Variants in DOK7 observed in about 807,000 individuals in gnomAD.
The protein encoded by DOK7 is docking protein 7.
A neutral mutation model predicts 30.7 loss-of-function variants in DOK7; 32 were observed. That is an observed-to-expected ratio of 1.04 (90% confidence interval 0.79 to 1.40). The LOEUF (loss-of-function observed/expected upper bound fraction) is 1.40, where lower values mean the gene tolerates loss of function less well. DOK7 is among the 40% of genes most tolerant of loss of function. The pLI is 0.00. For synonymous variants in DOK7, 447 were observed against 324.1 expected (o/e 1.38, Z -4.07); for missense variants, 1,007 against 699.2 (o/e 1.44, Z -4.97).
chr4:3,496,152 G>A (rs1018033467), downstream of DOK7, among the ~76,000 whole-genome samples: 10 of 152,350 alleles, frequency 6.6e-5, no homozygotes, highest in African/African-American at 1.7e-4. Context: ...CTGCTCAGCC[G>A]TGGGCCGCTG....
intron 4 of DOK7, among the ~76,000 whole-genome samples, chr4:3,479,673 C>T (rs1174242011): frequency 6.6e-6 from 1 of 152,222 alleles, no homozygotes. Context: ...CCTCACTCAT[C>T]CTGAGACACT....
intron 4 of DOK7, among the ~76,000 whole-genome samples, chr4:3,483,752 G>T (rs1727581918): frequency 6.6e-6 from 1 of 152,220 alleles, no homozygotes; most frequent in African/African-American, 2.4e-5. Context: ...CTGGGGCTGT[G>T]CCGGCTGAGC....
chr4:3,492,608 A>T lies in DOK7; in HGVS notation c.773-151A>T, dbSNP rs575767177. ...TAGAGGGGTTGTTGTTGGTGAAGCC[A>T]GGTTTCTGCTGTAGGCCCCGGGGCT... On this transcript the variant is annotated intron_variant, in intron 6 of 6. Transcript: ENST00000340083. 5.0e-5 allele frequency: 50 copies of T among 1,009,002 alleles called. No individual in the cohort carries two copies. In the East Asian group the frequency reaches 1.2e-3, roughly 24 times the overall value. The allele number at this position is 1,009,002 out of a possible 1,614,324, so 62.5% of individuals were successfully genotyped here.
At chr4:3,468,249 A>C (rs62275881) in intron 2 of DOK7, among the ~76,000 whole-genome samples, 46,414 of 147,866 alleles carry the variant, frequency 0.31, 7,516 homozygotes, top group African/African-American at 0.43. Context: ...TATGTGTGCA[A>C]GTGTGTGTCC....
At chr4:3,496,271 G>A (rs1261826370), downstream of DOK7, among the ~76,000 whole-genome samples, 1 of 152,168 alleles carries the variant, frequency 6.6e-6, no homozygotes, top group African/African-American at 2.4e-5. Flanking sequence ...CGCCTGCAGT[G>A]TCAGGGAACT....
intron 6 of DOK7, among the ~76,000 whole-genome samples, chr4:3,499,807 T>G (rs1729102683): frequency 7.0e-6 from 1 of 142,066 alleles, no homozygotes; most frequent in Non-Finnish European, 1.5e-5. Flanking sequence ...GAGGGGGAGG[T>G]GCTGGGGGCC....
Position 3,492,879 on chromosome 4 carries a change from G to A in DOK7, c.893G>A (p.Gly298Glu), listed in dbSNP as rs1553850025. 8.1e-6 allele frequency: 13 copies of A among 1,602,574 alleles called. No homozygotes were observed. The highest frequency in any genetic ancestry group is 1.7e-5 in the Admixed American group (1 of 58,984). The change falls in exon 7 of 7, where the codon GGG becomes GAG. Residue 298 changes from glycine (G) to glutamate (E), a missense_variant. By Grantham distance (98) the Gly-to-Glu change is moderately conservative (BLOSUM62 -2). Transcript: ENST00000340083. Reference sequence around the variant, plus strand: ...TCGTCAGCCAGCACGTCACAGGAGGGGCCTAGACCAGCAGCTGCCCAGGCC... The same window carrying A: ...TCGTCAGCCAGCACGTCACAGGAGGAGCCTAGACCAGCAGCTGCCCAGGCC... ...SSSSASTSQEGPRPAAAQAAG... is the reference protein window; with the variant it reads ...SSSSASTSQEEPRPAAAQAAG...
At chr4:3,497,539 G>C (rs935115886), downstream of DOK7, among the ~76,000 whole-genome samples, 1 of 152,150 alleles carries the variant, frequency 6.6e-6, no homozygotes, top group African/African-American at 2.4e-5. Flanking sequence ...AGGACGGCTG[G>C]CCTGGGGTAG....
At chr4:3,469,861 G>A (rs1461140568) in intron 2 of DOK7, among the ~76,000 whole-genome samples, 1 of 152,212 alleles carries the variant, frequency 6.6e-6, no homozygotes, top group Non-Finnish European at 1.5e-5. Context: ...GTGAGGGGGT[G>A]GGCGTCAGCT....
intron 4 of DOK7, among the ~76,000 whole-genome samples, chr4:3,480,248 C>T (rs1052972653): frequency 6.6e-6 from 1 of 152,240 alleles, no homozygotes; most frequent in Non-Finnish European, 1.5e-5. Context: ...AGGACCATAT[C>T]TGCCTCTTTG....
Position 3,492,352 on chromosome 4 carries a change from C to G in DOK7, c.773-407C>G, listed in dbSNP as rs954395174. ...TTGGGGAAGGGACGTCCAGACCAGC[C>G]TGGGGCCGTGATGGTGCGGAGGGCA... On this transcript the variant is annotated intron_variant, in intron 6 of 6. Coordinates refer to ENST00000340083, the MANE Select transcript of DOK7 (RefSeq NM_173660.5). Among the ~76,000 whole-genome samples, 3 of 151,812 alleles carry G rather than the reference C, an allele frequency of 2.0e-5. No individual in the cohort carries two copies. The South Asian group carries it at 6.2e-4, about 32-fold the overall frequency.
At chr4:3,499,146 T>A (rs536069907), downstream of DOK7, among the ~76,000 whole-genome samples, 1 of 152,196 alleles carries the variant, frequency 6.6e-6, no homozygotes. Flanking sequence ...GATGCATCCC[T>A]GGGGCAGGGA....
chr4:3,491,167 C>T (rs1282705477), intron 6 of DOK7, among the ~76,000 whole-genome samples: 2 of 94,124 alleles, frequency 2.1e-5, no homozygotes, highest in Non-Finnish European at 4.0e-5. Flanking sequence ...CTTCTTCCTC[C>T]TGCTCATTCA....
At chr4:3,483,350 GT>G (rs1410788341) in intron 4 of DOK7, among the ~76,000 whole-genome samples, 2 of 151,938 alleles carry the variant, frequency 1.3e-5, no homozygotes, top group Non-Finnish European at 2.9e-5. Flanking sequence ...GGGAGCGGGG[GT>G]GGAGCATGAA....
exon 8 of DOK7, chr4:3,500,951 TGGCCGGTCTCCG>T: frequency 5.8e-6 from 8 of 1,380,676 alleles, no homozygotes; most frequent in Non-Finnish European, 6.7e-6. Context: ...GGAGCAGGCA[TGGCCGGTCTCCG>T]GGCCATGGTG....
chr4:3,496,232 C>A (rs139178976), downstream of DOK7, among the ~76,000 whole-genome samples: 1 of 152,260 alleles, frequency 6.6e-6, no homozygotes, highest in African/African-American at 2.4e-5. Context: ...CCGTTAGGCA[C>A]GGCCCACTTC....
rs750251888 is a variant in DOK7, at chr4:3,468,524, G to GAC, written c.101-4882_101-4881insAC. On this transcript the variant is annotated intron_variant, in intron 2 of 6. Coordinates refer to ENST00000340083, the MANE Select transcript of DOK7 (RefSeq NM_173660.5). ...TGTGCGTGTGTGCGTGTATGAGTGT[G>GAC]TGTGACTGTGAGTGTATGTGTGTGT... Among the ~76,000 whole-genome samples the GAC allele has an allele frequency of 1.8e-3, 266 of 148,888 alleles. 1 individual carries two copies. The highest frequency in any genetic ancestry group is 6.5e-3 in the African/African-American group (253 of 39,188).
downstream of DOK7, among the ~76,000 whole-genome samples, chr4:3,495,261 A>G (rs1728841646): frequency 6.6e-6 from 1 of 152,218 alleles, no homozygotes; most frequent in Non-Finnish European, 1.5e-5. Flanking sequence ...TGGCCGCGCC[A>G]GTCTTGTTGC....
At chr4:3,464,469 C>T (rs910794334) in intron 2 of DOK7, among the ~76,000 whole-genome samples, 3 of 152,218 alleles carry the variant, frequency 2.0e-5, no homozygotes, top group Non-Finnish European at 4.4e-5. Context: ...AGACCTCCTG[C>T]CTGGAGCTGT....
Sources: allele counts gnomAD v4.1 joint callset (sites outside exome capture counted in the v4.1 genomes callset), GRCh38; gene constraint gnomAD v4.1.1; transcripts MANE v1.5; gene names NCBI Gene and HGNC (gene_info 2026-07-23, HGNC 2026-07-21).